Variants in NIN observed in about 807,000 individuals in gnomAD.
The protein encoded by NIN is glycogen synthase kinase 3 beta-interacting protein.
Under a neutral mutation model 257.6 loss-of-function variants are expected in NIN, and 137 were observed. The observed-to-expected ratio is 0.53, with a 90% CI of 0.46 to 0.61. The LOEUF (loss-of-function observed/expected upper bound fraction) is 0.61, where lower values mean the gene tolerates loss of function less well. Among genes scored for constraint, NIN ranks in the 20% least tolerant of loss-of-function variants. The probability of loss-of-function intolerance (pLI) is 0.00; values close to 1 mark genes in which losing one functional copy is unlikely to be tolerated. For synonymous variants in NIN, 918 were observed against 919.8 expected (o/e 1.00, Z 0.04); for missense variants, 2,439 against 2,501.2 (o/e 0.98, Z 0.53).
At chr14:50,749,735 G>T (rs2041707951) in intron 21 of NIN, among the ~76,000 whole-genome samples, 1 of 152,064 alleles carries the variant, frequency 6.6e-6, no homozygotes, top group African/African-American at 2.4e-5. Context: ...TGTTGCCCAG[G>T]CTGAAGTGCA....
At chr14:50,724,279 T>C (rs1336614925) in intron 30 of NIN, 2 of 208,988 alleles carry the variant, frequency 9.6e-6, no homozygotes, top group Admixed American at 5.9e-5. Flanking sequence ...ACTTTCATTG[T>C]TGTTCTGGTT....
chr14:50,776,606 T>G (rs901995671), intron 7 of NIN, among the ~76,000 whole-genome samples: 1 of 152,240 alleles, frequency 6.6e-6, no homozygotes, highest in African/African-American at 2.4e-5. Context: ...CCTTGCTTAA[T>G]TCTGCCTCCA....
intron 12 of NIN, among the ~76,000 whole-genome samples, chr14:50,768,657 T>C (rs1032175512): frequency 1.3e-5 from 2 of 152,212 alleles, no homozygotes; most frequent in Admixed American, 1.3e-4. Flanking sequence ...CAGCTCAAGT[T>C]TGAAAGGTAT....
At chr14:50,774,465 G>A (rs1409082329) in intron 7 of NIN, among the ~76,000 whole-genome samples, 1 of 152,170 alleles carries the variant, frequency 6.6e-6, no homozygotes, top group African/African-American at 2.4e-5. Context: ...CCATTCTAAA[G>A]AGTGGAAACG....
At chr14:50,762,203 T>C (rs1489933573) in intron 15 of NIN, among the ~76,000 whole-genome samples, 1 of 152,164 alleles carries the variant, frequency 6.6e-6, no homozygotes, top group Non-Finnish European at 1.5e-5. Flanking sequence ...GGGTGGAAAT[T>C]GTTGCTTATA....
At chr14:50,756,173 C>T (rs1038593865) in intron 18 of NIN, among the ~76,000 whole-genome samples, 3 of 151,942 alleles carry the variant, frequency 2.0e-5, no homozygotes, top group East Asian at 3.9e-4. Flanking sequence ...AAAAAAATCC[C>T]CTATCCATCT....
intron 5 of NIN, among the ~76,000 whole-genome samples, chr14:50,784,481 CA>C (rs2043261853): frequency 2.0e-5 from 3 of 152,202 alleles, no homozygotes; most frequent in Admixed American, 2.0e-4. Flanking sequence ...GCACTTACAA[CA>C]GTGCCCATTA....
Position 50,777,220 on chromosome 14 carries a change from T to C in NIN, c.476-81A>G, listed in dbSNP as rs539323461. 41 of 1,164,180 alleles carry C rather than the reference T, an allele frequency of 3.5e-5. No homozygotes were observed. In the South Asian group the frequency reaches 6.3e-4, roughly 18 times the overall value. The allele number at this position is 1,164,180 out of a possible 1,614,324, so 72.1% of individuals were successfully genotyped here. ...CTATTCTTAAAGAAAACTGTGCTTT[T>C]TGAAAATAAATACTGTAAGAAAAAG... On this transcript the variant is annotated intron_variant, in intron 6 of 30. Transcript: ENST00000530997.
At chr14:50,765,796 C>A (rs1178143220) in intron 14 of NIN, among the ~76,000 whole-genome samples, 1 of 147,758 alleles carries the variant, frequency 6.8e-6, no homozygotes, top group Admixed American at 6.7e-5. Flanking sequence ...AATGATCAAT[C>A]AGGAAAGGCT....
chr14:50,758,188 G>C lies in NIN; in HGVS notation c.2842C>G (p.Leu948Val). 2 of 1,614,188 alleles carry C rather than the reference G, an allele frequency of 1.2e-6. No individual in the cohort carries two copies. The highest frequency in any genetic ancestry group is 4.5e-5 in the East Asian group (2 of 44,886). ...LELKSSHKRE[L>V]REREEVLCQA... ...CACAGGACCTCCTCACGCTCCCTCA[G>C]TTCCCTTTTGTGACTGCTCTTCAGC... The change falls in exon 18 of 31, where the codon CTG becomes GTG. Residue 948 changes from leucine to valine, a missense_variant. Physicochemically the swap from Leu to Val is conservative, Grantham distance 32. Around this residue, in one of 3 missense-constraint regions of NIN, gnomAD observed 2,043 missense variants for 2,050.2 expected, o/e 1.00. Coordinates refer to ENST00000530997, the MANE Select transcript of NIN (RefSeq NM_020921.4).
intron 17 of NIN, among the ~76,000 whole-genome samples, chr14:50,759,349 A>G (rs940637350): frequency 6.6e-6 from 1 of 152,250 alleles, no homozygotes; most frequent in Admixed American, 6.5e-5. Flanking sequence ...TTTTACAAAC[A>G]TAACAAAATA....
rs546908598 is a variant in NIN at position 50,756,886 on chromosome 14, G to C, written c.4144C>G (p.His1382Asp). ...TCTTGCTTACATTCCTCTATGACAT[G>C]ATGTACACTCCTAACCCTGGGCACA... ...ECVPRVRSVH[H>D]VIEECKQENQ... The change falls in exon 18 of 31, where the codon CAT (histidine) becomes GAT (aspartate). Residue 1382 changes from histidine (H) to aspartate (D), a missense_variant. His to Asp is a moderately conservative substitution (Grantham distance 81). Transcript: ENST00000530997. 2,447 of 1,554,226 alleles carry C rather than the reference G, an allele frequency of 1.6e-3. 55 individuals carry two copies. In the South Asian group the frequency reaches 0.027, roughly 17 times the overall value.
At chr14:50,727,564 T>C in intron 29 of NIN, 2 of 1,311,370 alleles carry the variant, frequency 1.5e-6, no homozygotes, top group Non-Finnish European at 2.0e-6. Context: ...AATAATAAAA[T>C]AATTTAAAAG....
At chr14:50,771,282 T>G (rs1240467509) in intron 10 of NIN, 50 bp downstream of exon 10, 1 of 1,598,814 alleles carries the variant, frequency 6.3e-7, no homozygotes, top group East Asian at 2.2e-5. Flanking sequence ...AATGACTTGC[T>G]GGACAAGTAG....
chr14:50,771,049 C>T, intron 10 of NIN, 57 bp from the exon 11 acceptor site: 1 of 1,572,714 alleles, frequency 6.4e-7, no homozygotes, highest in Non-Finnish European at 8.6e-7. Flanking sequence ...ACAAGTAGAC[C>T]CAGAAAAGCT....
At chr14:50,776,905 C>A in intron 7 of NIN, 44 bp downstream of exon 7, 1 of 1,548,344 alleles carries the variant, frequency 6.5e-7, no homozygotes, top group Non-Finnish European at 8.8e-7. Context: ...GTCAACTACA[C>A]TTTTACCATC....
chr14:50,785,247 A>G (rs1484932912), intron 5 of NIN, among the ~76,000 whole-genome samples: 1 of 152,224 alleles, frequency 6.6e-6, no homozygotes, highest in East Asian at 1.9e-4. Flanking sequence ...TCCAGCTTCC[A>G]GCCCCAACGC....
chr14:50,744,178 C>G, intron 23 of NIN, 65 bp downstream of exon 23: 1 of 1,567,472 alleles, frequency 6.4e-7, no homozygotes. Context: ...CCACTGTCCA[C>G]AGAGAAAGGT....
chr14:50,751,774 G>T (rs548205502), intron 21 of NIN, among the ~76,000 whole-genome samples: 2 of 152,190 alleles, frequency 1.3e-5, no homozygotes, highest in South Asian at 4.1e-4. Context: ...CTATTCTCCT[G>T]CCTCGGCCTC....
Sources: gnomAD v4.1 joint callset for allele counts (sites outside exome capture counted in the v4.1 genomes callset) on GRCh38, gnomAD v4.1.1 for gene constraint, gnomAD v4.1.1 regional missense constraint, MANE v1.5 for transcripts, NCBI Gene and HGNC (gene_info 2026-07-23, HGNC 2026-07-21) for gene names.